Variants in TMEM245 observed in about 807,000 individuals in gnomAD.
The protein encoded by TMEM245 is transmembrane protein 245.
Under a neutral mutation model 101.2 loss-of-function variants are expected in TMEM245, and 69 were observed. That is an observed-to-expected ratio of 0.68 (90% CI 0.56 to 0.83). The LOEUF is 0.83. Among genes scored for constraint, TMEM245 ranks in the 40% least tolerant of loss-of-function variants. The pLI is 0.00. For synonymous variants in TMEM245, 537 were observed against 449.8 expected, an observed-to-expected ratio of 1.19 and a Z score of -2.45; for missense variants, 1,075 against 1,092.8, an observed-to-expected ratio of 0.98 and a Z score of 0.23.
intron 9 of TMEM245, among the ~76,000 whole-genome samples, chr9:109,066,483 T>C (rs1458023382): frequency 2.4e-5 from 3 of 122,486 alleles, no homozygotes; most frequent in Admixed American, 7.6e-5. Flanking sequence ...AAAAAATTTC[T>C]CAGCAAGTAA....
chr9:109,084,803 T>C (rs1829785669), intron 7 of TMEM245, among the ~76,000 whole-genome samples: 1 of 152,230 alleles, frequency 6.6e-6, no homozygotes, highest in South Asian at 2.1e-4. Context: ...ACTAGTTTTA[T>C]AGGGAATGGA....
chr9:109,028,643 G>C (rs1200843242), intron 17 of TMEM245, among the ~76,000 whole-genome samples: 1 of 151,998 alleles, frequency 6.6e-6, no homozygotes, highest in African/African-American at 2.4e-5. Context: ...AAAAAAAAGA[G>C]ATTATGCTGG....
At chr9:109,071,344 C>T (rs749103627) in intron 9 of TMEM245, among the ~76,000 whole-genome samples, 11 of 151,906 alleles carry the variant, frequency 7.2e-5, no homozygotes, top group Non-Finnish European at 1.5e-4. Flanking sequence ...CACAGTGGCT[C>T]ATGCCTGTAA....
chr9:109,077,971 C>T (rs1037842027), intron 8 of TMEM245, among the ~76,000 whole-genome samples: 1 of 152,136 alleles, frequency 6.6e-6, no homozygotes, highest in Non-Finnish European at 1.5e-5. Context: ...CTATTTGTCC[C>T]ATCTCTATTG....
In TMEM245 at chr9:109,093,600, GA is replaced by G. The variant is rs1402209774; in HGVS notation, c.800-10del. The G allele has an allele frequency of 1.9e-6, 3 of 1,609,572 alleles. No individual in the cohort carries two copies. The African/African-American group carries it at 4.0e-5, about 22-fold the overall frequency. ...CCCTGGTAACTCTGCCCCTGTAAAA[GA>G]AGCATCCATTTTCAAAACTCTTTAA... On this transcript the variant is annotated splice_polypyrimidine_tract_variant and intron_variant, in intron 3 of 17. Transcript: ENST00000374586.
At chr9:109,106,050 A>T (rs1830408361) in intron 3 of TMEM245, among the ~76,000 whole-genome samples, 1 of 152,038 alleles carries the variant, frequency 6.6e-6, no homozygotes, top group Non-Finnish European at 1.5e-5. Context: ...GGGATTACAG[A>T]CGTGAGCCAC....
chr9:109,085,967 G>A, intron 7 of TMEM245, 30 bp downstream of exon 7: 1 of 1,612,652 alleles, frequency 6.2e-7, no homozygotes, highest in Non-Finnish European at 8.5e-7. Flanking sequence ...GAATTCAATA[G>A]TAAAAACCAA....
At chr9:109,115,020 C>T (rs1403667706) in intron 1 of TMEM245, among the ~76,000 whole-genome samples, 1 of 152,120 alleles carries the variant, frequency 6.6e-6, no homozygotes, top group African/African-American at 2.4e-5. Flanking sequence ...TGAAGAGGAA[C>T]TGAACTGGAA....
At chr9:109,095,650 A>G (rs1830121283) in intron 3 of TMEM245, among the ~76,000 whole-genome samples, 1 of 152,238 alleles carries the variant, frequency 6.6e-6, no homozygotes, top group Non-Finnish European at 1.5e-5. Context: ...ACAGGATAGT[A>G]GTCTTCTTCT....
chr9:109,117,531 A>G (rs1366265077), intron 1 of TMEM245, among the ~76,000 whole-genome samples: 1 of 152,178 alleles, frequency 6.6e-6, no homozygotes, highest in Non-Finnish European at 1.5e-5. Context: ...CACAAATGAA[A>G]TACAAAGATG....
chr9:109,068,138 C>G (rs956889892), intron 9 of TMEM245, among the ~76,000 whole-genome samples: 12 of 152,082 alleles, frequency 7.9e-5, no homozygotes, highest in Admixed American at 3.9e-4. Flanking sequence ...TAGGCCGAGG[C>G]AGGTGGATCA....
intron 1 of TMEM245, among the ~76,000 whole-genome samples, chr9:109,110,890 CT>C (rs1830550059): frequency 6.6e-6 from 1 of 152,122 alleles, no homozygotes; most frequent in Non-Finnish European, 1.5e-5. Flanking sequence ...ATCTGAACCA[CT>C]TTTCAGTTCA....
chr9:109,075,832 T>C (rs75418731), intron 8 of TMEM245, among the ~76,000 whole-genome samples: 73 of 152,340 alleles, frequency 4.8e-4, no homozygotes, highest in Middle Eastern at 3.4e-3. Flanking sequence ...TGTTTCTCCT[T>C]TTCAAATTTC....
intron 3 of TMEM245, among the ~76,000 whole-genome samples, chr9:109,104,827 G>A (rs1484646515): frequency 6.6e-6 from 1 of 152,098 alleles, no homozygotes; most frequent in Admixed American, 6.6e-5. Context: ...GAATGAGGTT[G>A]GATCCTTACC....
At chr9:109,090,186 AG>A (rs897019047) in intron 5 of TMEM245, among the ~76,000 whole-genome samples, 17 of 152,004 alleles carry the variant, frequency 1.1e-4, no homozygotes, top group African/African-American at 3.1e-4. Context: ...GCTTGAACCC[AG>A]GGGGCAAAGG....
At chr9:109,079,051 G>A (rs1172946087) in intron 8 of TMEM245, among the ~76,000 whole-genome samples, 1 of 152,100 alleles carries the variant, frequency 6.6e-6, no homozygotes, top group East Asian at 1.9e-4. Flanking sequence ...AAAAGCTGCA[G>A]GTTTTACTGC....
At chr9:109,026,507 A>G (rs1248211992) in intron 17 of TMEM245, among the ~76,000 whole-genome samples, 4 of 151,830 alleles carry the variant, frequency 2.6e-5, no homozygotes, top group African/African-American at 9.7e-5. Flanking sequence ...CAGAGTTTCA[A>G]TGGCACCTGG....
At chr9:109,058,233 T>C (rs534512841) in intron 11 of TMEM245, among the ~76,000 whole-genome samples, 90 of 151,984 alleles carry the variant, frequency 5.9e-4, no homozygotes, top group South Asian at 2.3e-3. Context: ...CTTGATCTCC[T>C]GATCTCGTGA....
At chr9:109,043,736 C>T (rs1432832614) in intron 14 of TMEM245, among the ~76,000 whole-genome samples, 1 of 152,102 alleles carries the variant, frequency 6.6e-6, no homozygotes, top group Admixed American at 6.6e-5. Flanking sequence ...AGGCCTATTC[C>T]CTATTCATAG....
Sources: allele counts gnomAD v4.1 joint callset (sites outside exome capture counted in the v4.1 genomes callset), GRCh38; gene constraint gnomAD v4.1.1; transcripts MANE v1.5; gene names NCBI Gene and HGNC (gene_info 2026-07-23, HGNC 2026-07-21).